The following MTSS1 variants were observed in gnomAD, a reference collection of about 807,000 sequenced individuals.
MTSS1 encodes protein MTSS 1.
A neutral mutation model predicts 79.0 loss-of-function variants in MTSS1; 18 were observed. That is an observed-to-expected ratio of 0.23 (90% confidence interval 0.16 to 0.34). The LOEUF is 0.34. MTSS1 is among the 10% of genes least tolerant of loss of function. The probability of loss-of-function intolerance (pLI) is 1.00; values close to 1 mark genes in which losing one functional copy is unlikely to be tolerated. For missense variants in MTSS1, 815 were observed against 986.2 expected (o/e 0.83, Z 2.33); for synonymous variants, 341 against 368.6 (o/e 0.93, Z 0.86).
chr8:124,707,038 C>T (rs1457076738), intron 1 of MTSS1, among the ~76,000 whole-genome samples: 1 of 150,566 alleles, frequency 6.6e-6, no homozygotes, highest in Non-Finnish European at 1.5e-5. Flanking sequence ...TCCGACCATT[C>T]CTTCTCTTTC....
chr8:124,583,786 G>A (rs528680861), intron 6 of MTSS1, among the ~76,000 whole-genome samples: 1 of 152,246 alleles, frequency 6.6e-6, no homozygotes, highest in Non-Finnish European at 1.5e-5. Flanking sequence ...TGACCAGCCT[G>A]CTCTCTTCCG....
At chr8:124,563,996 TGGCA>T (rs1419836531) in intron 9 of MTSS1, among the ~76,000 whole-genome samples, 1 of 152,160 alleles carries the variant, frequency 6.6e-6, no homozygotes, top group Non-Finnish European at 1.5e-5. Context: ...CCAGGCATGG[TGGCA>T]GGCACCTATA....
At chr8:124,713,779 G>A (rs1189910819) in intron 1 of MTSS1, among the ~76,000 whole-genome samples, 1 of 151,796 alleles carries the variant, frequency 6.6e-6, no homozygotes, top group Non-Finnish European at 1.5e-5. Flanking sequence ...GAGTGCAGTG[G>A]CACAATATCA....
At chr8:124,646,890 T>C (rs181754058) in intron 3 of MTSS1, among the ~76,000 whole-genome samples, 1 of 152,248 alleles carries the variant, frequency 6.6e-6, no homozygotes, top group Non-Finnish European at 1.5e-5. Context: ...CTACCATGGC[T>C]CACTGCAGCC....
intron 1 of MTSS1, among the ~76,000 whole-genome samples, chr8:124,705,640 A>G (rs537979833): frequency 1.3e-5 from 2 of 152,350 alleles, no homozygotes; most frequent in East Asian, 3.9e-4. Flanking sequence ...AATTATAATG[A>G]GGTTAATCAA....
intron 13 of MTSS1, among the ~76,000 whole-genome samples, chr8:124,555,501 C>T (rs1348201031): frequency 5.9e-5 from 9 of 152,190 alleles, no homozygotes; most frequent in Admixed American, 4.6e-4. Context: ...CTGCCTTGGC[C>T]TCCCAAAGTG....
At chr8:124,625,320 T>C (rs1814448117) in intron 3 of MTSS1, among the ~76,000 whole-genome samples, 1 of 152,136 alleles carries the variant, frequency 6.6e-6, no homozygotes, top group Non-Finnish European at 1.5e-5. Context: ...GGCAGGAGAA[T>C]ATATAAAATG....
At chr8:124,592,491 C>T (rs1363829124) in intron 3 of MTSS1, among the ~76,000 whole-genome samples, 1 of 152,158 alleles carries the variant, frequency 6.6e-6, no homozygotes. Flanking sequence ...GGTAGAAGAA[C>T]ATTCCCTCTC....
Position 124,662,203 on chromosome 8 carries a change from G to A in MTSS1, c.208+37323C>T, listed in dbSNP as rs143693487. Among the ~76,000 whole-genome samples, 694 of 152,046 alleles carry A rather than the reference G, an allele frequency of 4.6e-3. 6 individuals are homozygous for A. The highest frequency in any genetic ancestry group is 0.016 in the African/African-American group (652 of 41,468). Reference sequence around the variant, plus strand: ...AGGACAACGTCAACGCTATAATTCCGGGTGCCTACCTCACACCACTCAGGA... The same window carrying A: ...AGGACAACGTCAACGCTATAATTCCAGGTGCCTACCTCACACCACTCAGGA... On this transcript the variant is annotated intron_variant, in intron 3 of 13. Transcript: ENST00000518547.
intron 12 of MTSS1, 114 bp from the exon 13 acceptor site, chr8:124,556,018 G>A (rs747090542): frequency 3.2e-6 from 5 of 1,546,486 alleles, no homozygotes; most frequent in Non-Finnish European, 4.3e-6. Context: ...CTATTGACTT[G>A]CTTGGGTCCC....
chr8:124,662,105 G>T (rs991016221), intron 3 of MTSS1, among the ~76,000 whole-genome samples: 2 of 152,194 alleles, frequency 1.3e-5, no homozygotes, highest in Non-Finnish European at 2.9e-5. Flanking sequence ...TGGCATGTTA[G>T]ATCTATTGAT....
chr8:124,575,584 GTTGT>G lies in MTSS1; in HGVS notation c.461-7052_461-7049del, dbSNP rs11472870. Among the ~76,000 whole-genome samples the G allele has an allele frequency of 3.3e-5, 5 of 151,780 alleles. No homozygotes were observed. The South Asian group carries it at 6.2e-4, about 19-fold the overall frequency. On this transcript the variant is annotated intron_variant, in intron 6 of 13. Transcript: ENST00000518547. Reference sequence around the variant, plus strand: ...AGGGTAGGGTGGGTTTTTTGTTGTTGTTGTTTGTTTGTTTGTTTTTTAAAGAGAG... The same window carrying G: ...AGGGTAGGGTGGGTTTTTTGTTGTTGTTGTTTGTTTGTTTTTTAAAGAGAG...
intron 7 of MTSS1, chr8:124,567,802 G>C: frequency 6.5e-7 from 1 of 1,528,972 alleles, no homozygotes; most frequent in South Asian, 1.2e-5. Flanking sequence ...CAGACATTTT[G>C]CTAGGGCTAA....
intron 3 of MTSS1, among the ~76,000 whole-genome samples, chr8:124,669,020 A>T (rs1210964328): frequency 6.6e-6 from 1 of 152,202 alleles, no homozygotes; most frequent in Admixed American, 6.5e-5. Context: ...AAACTTTTTT[A>T]CAAAGCAGGT....
chr8:124,612,934 C>T (rs879587764), intron 3 of MTSS1, among the ~76,000 whole-genome samples: 2 of 152,162 alleles, frequency 1.3e-5, no homozygotes, highest in Non-Finnish European at 1.5e-5. Flanking sequence ...CGTAGGCAGG[C>T]TATCCCTGCA....
chr8:124,679,170 C>G (rs912394168), intron 3 of MTSS1, among the ~76,000 whole-genome samples: 4 of 152,210 alleles, frequency 2.6e-5, no homozygotes, highest in African/African-American at 4.8e-5. Flanking sequence ...AGAAGTAAGC[C>G]AAGCCTAGTG....
At chr8:124,705,503 A>C (rs1830267572) in intron 1 of MTSS1, among the ~76,000 whole-genome samples, 1 of 152,126 alleles carries the variant, frequency 6.6e-6, no homozygotes, top group South Asian at 2.1e-4. Context: ...AAAATAAAAC[A>C]AAACAAAACT....
At chr8:124,591,039 A>G in intron 4 of MTSS1, 112 bp downstream of exon 4, 1 of 910,540 alleles carries the variant, frequency 1.1e-6, no homozygotes, top group Non-Finnish European at 1.8e-6. Context: ...GCAATGAATG[A>G]GCCAAGTCAG....
At chr8:124,602,906 A>C (rs542686805) in intron 3 of MTSS1, among the ~76,000 whole-genome samples, 191 of 152,344 alleles carry the variant, frequency 1.3e-3, no homozygotes, top group African/African-American at 4.4e-3. Context: ...GCCTGCCCCC[A>C]TAGAGTGGGC....
Sources: allele counts gnomAD v4.1 joint callset (sites outside exome capture counted in the v4.1 genomes callset), GRCh38; gene constraint gnomAD v4.1.1; transcripts MANE v1.5; gene names NCBI Gene and HGNC (gene_info 2026-07-23, HGNC 2026-07-21).